SIGLEC7: variants seen among roughly 807,000 people sequenced by gnomAD.
The protein encoded by SIGLEC7 is sialic acid-binding Ig-like lectin 7.
Under a neutral mutation model 40.8 loss-of-function variants are expected in SIGLEC7, and 33 were observed. That is an observed-to-expected ratio of 0.81 (90% CI 0.61 to 1.08). The LOEUF (loss-of-function observed/expected upper bound fraction) is 1.08, where lower values mean the gene tolerates loss of function less well. SIGLEC7 is among the 50% of genes least tolerant of loss of function. The pLI is 0.00. For synonymous variants in SIGLEC7, 242 were observed against 237.6 expected (o/e 1.02, Z -0.17); for missense variants, 513 against 576.1 (o/e 0.89, Z 1.12).
Position 51,147,165 on chromosome 19 carries a change from T to G in SIGLEC7, c.1125-56T>G, listed in dbSNP as rs1054400896. The stretch of plus-strand genomic sequence containing the variant: ...AGGAAATACAGGGCAGGGGTTGGTC[T>G]GCCCACTGCACCCCGATCTGACCAC... On this transcript the variant is annotated intron_variant, in intron 5 of 6. Transcript: ENST00000317643. 11 of 1,607,586 alleles carry G rather than the reference T, an allele frequency of 6.8e-6. No homozygotes were observed. In the African/African-American group the frequency reaches 1.2e-4, roughly 18 times the overall value.
Position 51,153,082 on chromosome 19 carries a change from G to A in SIGLEC7, c.1241G>A (p.Trp414Ter). The change falls in exon 7 of 7, where the codon TGG becomes TAG. Residue 414 changes from tryptophan to a stop codon, truncating the protein, a stop_gained. Transcript: ENST00000317643. LOFTEE classifies it low-confidence loss of function (END_TRUNC). The part of the protein sequence containing the change: ...SASQGNLTES[W>*]ADDNPRHHGL... ...ATTCAGGGTAACCTGACTGAGTCCTGGGCAGATGATAACCCCCGACACCAT... is the reference window on the plus strand; with the variant it reads ...ATTCAGGGTAACCTGACTGAGTCCTAGGCAGATGATAACCCCCGACACCAT... The A allele has an allele frequency of 6.3e-7, 1 of 1,595,064 alleles. No homozygotes were observed. Among genetic ancestry groups the A allele is most frequent in the Non-Finnish European group, 8.5e-7 (1 of 1,170,646 alleles).
intron 5 of SIGLEC7, 164 bp from the exon 6 acceptor site, chr19:51,147,057 G>T: frequency 8.6e-7 from 1 of 1,159,076 alleles, no homozygotes; most frequent in South Asian, 1.4e-5. Flanking sequence ...CACCCAGGAG[G>T]CAGGAGCCTC....
At chr19:51,147,054 G>A (rs2092113201) in intron 5 of SIGLEC7, 167 bp from the exon 6 acceptor site, 2 of 1,146,666 alleles carry the variant, frequency 1.7e-6, no homozygotes, top group South Asian at 1.5e-5. Flanking sequence ...CACCACCCAG[G>A]AGGCAGGAGC....
rs1041099986 is a variant in SIGLEC7 at position 51,144,589 on chromosome 19, C to T, written c.617C>T (p.Pro206Leu). ...CGCTCCTCAGTGCTCACCCTCATCCCACAGCCCCAGCACCACGGCACCAGC... is the reference window on the plus strand; with the variant it reads ...CGCTCCTCAGTGCTCACCCTCATCCTACAGCCCCAGCACCACGGCACCAGC... ...TTRSSVLTLIPQPQHHGTSLT... is the reference protein window; with the variant it reads ...TTRSSVLTLILQPQHHGTSLT... Residue 206 changes from proline (P) to leucine (L), a missense_variant, in exon 2 of 7, where the codon CCA becomes CTA. Transcript: ENST00000317643. 10 of 1,613,976 alleles carry T rather than the reference C, an allele frequency of 6.2e-6. No individual in the cohort carries two copies. Among genetic ancestry groups the T allele is most frequent in the Non-Finnish European group, 8.5e-6 (10 of 1,179,968 alleles).
At position 51,153,145 on chromosome 19, in the gene SIGLEC7, T is replaced by G. The variant is rs759624815; in HGVS notation, c.1304T>G (p.Ile435Ser). 1.2e-6 allele frequency: 2 copies of G among 1,610,500 alleles called. No homozygotes were observed. Among genetic ancestry groups the G allele is most frequent in the Non-Finnish European group, 1.7e-6 (2 of 1,178,368 alleles). ...CACTCCTCAGGGGAGGAAAGAGAGA[T>G]CCAGTATGCACCCCTCAGCTTTCAT... ...AAHSSGEERE[I>S]QYAPLSFHKG... Residue 435 changes from isoleucine (I) to serine (S), a missense_variant, in exon 7 of 7, where the codon ATC becomes AGC. Ile to Ser is a moderately radical substitution (Grantham distance 142). Coordinates refer to ENST00000317643, the MANE Select transcript of SIGLEC7 (RefSeq NM_014385.4).
intron 4 of SIGLEC7, among the ~76,000 whole-genome samples, chr19:51,146,357 T>C (rs2092108478): frequency 6.6e-6 from 1 of 151,982 alleles, no homozygotes; most frequent in African/African-American, 2.4e-5. Flanking sequence ...ACAGGTGTGT[T>C]TGGGGAGACA....
chr19:51,147,265 T>C lies in SIGLEC7; in HGVS notation c.1169T>C (p.Val390Ala). 1 of 1,612,718 alleles carries C rather than the reference T, an allele frequency of 6.2e-7. No homozygotes were observed. The highest frequency in any genetic ancestry group is 1.1e-5 in the South Asian group (1 of 91,066). Residue 390 changes from valine to alanine, a missense_variant, in exon 6 of 7, where the codon GTG (valine) becomes GCG (alanine). Coordinates refer to ENST00000317643, the MANE Select transcript of SIGLEC7 (RefSeq NM_014385.4). ...RKKSARPAAD[V>A]GDIGMKDANT... is the part of the protein sequence containing the mutation. ...AAATCGGCAAGGCCAGCAGCGGACG[T>C]GGGAGACATAGGCATGAAGGATGCA...
rs1465210905 is a variant in SIGLEC7 at position 51,153,355 on chromosome 19, C to T, written c.*110C>T. The T allele has an allele frequency of 1.2e-6, 1 of 836,278 alleles. No individual in the cohort carries two copies. The highest frequency in any genetic ancestry group is 1.7e-5 in the African/African-American group (1 of 58,308). 51.8% of individuals were successfully genotyped at this position (836,278 alleles called of 1,614,324 possible). ...CCCTCAATGCTGTGCAACAAGACAT[C>T]AGAACTTATTCCTCTTGTCTAACTG... On this transcript the variant is annotated 3_prime_UTR_variant, in exon 7 of 7. Transcript: ENST00000317643.
chr19:51,151,325 G>T (rs192872396), intron 6 of SIGLEC7, among the ~76,000 whole-genome samples: 195 of 152,340 alleles, frequency 1.3e-3, no homozygotes, highest in Non-Finnish European at 2.1e-3. Context: ...TGAGAAGATT[G>T]CAGAAGAAAT....
intron 6 of SIGLEC7, among the ~76,000 whole-genome samples, chr19:51,152,224 T>G (rs1029675453): frequency 1.3e-5 from 2 of 152,176 alleles, no homozygotes; most frequent in African/African-American, 4.8e-5. Flanking sequence ...GCAAGTAGCC[T>G]GGCATCTTCC....
Position 51,153,434 on chromosome 19 carries a change from C to G in SIGLEC7, c.*189C>G. On this transcript the variant is annotated 3_prime_UTR_variant, in exon 7 of 7. Coordinates refer to ENST00000317643, the MANE Select transcript of SIGLEC7 (RefSeq NM_014385.4). The stretch of plus-strand genomic sequence containing the variant: ...CCTTTCCCCATCCAATCGGTCCACA[C>G]TCCCCGCCCTGGCCTCTGGTACCCA... The G allele has an allele frequency of 2.4e-6, 1 of 419,546 alleles. No homozygotes were observed. The highest frequency in any genetic ancestry group is 4.2e-6 in the Non-Finnish European group (1 of 237,896). The allele number at this position is 419,546 out of a possible 1,614,324, so 26.0% of individuals were successfully genotyped here.
chr19:51,148,489 C>T (rs1412929134), intron 6 of SIGLEC7, among the ~76,000 whole-genome samples: 1 of 152,164 alleles, frequency 6.6e-6, no homozygotes, highest in Non-Finnish European at 1.5e-5. Flanking sequence ...GCCTCCAGCT[C>T]CATCCATGTT....
chr19:51,144,285 G>A (rs1294235723), intron 1 of SIGLEC7, 121 bp from the exon 2 acceptor site: 1 of 1,494,910 alleles, frequency 6.7e-7, no homozygotes, highest in Non-Finnish European at 8.9e-7. Context: ...CCCTGCCCTG[G>A]GAGAGGGCTG....
chr19:51,152,678 G>A (rs1460409451), intron 6 of SIGLEC7, among the ~76,000 whole-genome samples: 1 of 152,170 alleles, frequency 6.6e-6, no homozygotes, highest in Non-Finnish European at 1.5e-5. Context: ...GTCCACCACA[G>A]TCCATCCAGC....
chr19:51,147,029 G>A, intron 5 of SIGLEC7, 179 bp downstream of exon 5: 3 of 1,029,356 alleles, frequency 2.9e-6, no homozygotes, highest in Non-Finnish European at 4.2e-6. Context: ...CACATCTGTG[G>A]TGAACCTTGG....
At chr19:51,151,539 TAAA>T (rs1420930785) in intron 6 of SIGLEC7, among the ~76,000 whole-genome samples, 2 of 151,948 alleles carry the variant, frequency 1.3e-5, no homozygotes, top group African/African-American at 2.4e-5. Context: ...AAGGCAAAGG[TAAA>T]GAAGAAAAGA....
chr19:51,147,319 TG>T lies in SIGLEC7; in HGVS notation c.1221+3del. 1 of 1,607,090 alleles carries T rather than the reference TG, an allele frequency of 6.2e-7. No individual in the cohort carries two copies. The highest frequency in any genetic ancestry group is 8.5e-7 in the Non-Finnish European group (1 of 1,175,670). The stretch of plus-strand genomic sequence containing the variant: ...ACCATCAGGGGCTCAGCCTCTCAGG[TG>T]AGTGATATGGGCGTCTCCACACCCA... On this transcript the variant is annotated splice_donor_region_variant and intron_variant, in intron 6 of 6. Transcript: ENST00000317643.
chr19:51,143,355 C>T (rs2092082944), intron 1 of SIGLEC7, among the ~76,000 whole-genome samples: 1 of 152,158 alleles, frequency 6.6e-6, no homozygotes, highest in African/African-American at 2.4e-5. Flanking sequence ...CACGGCCCCT[C>T]CATCTCTCAT....
intron 6 of SIGLEC7, among the ~76,000 whole-genome samples, chr19:51,150,789 G>A (rs1303430308): frequency 6.6e-6 from 1 of 152,216 alleles, no homozygotes; most frequent in East Asian, 1.9e-4. Context: ...CCAGGCACAG[G>A]AAGAGGAAAG....
Sources: allele counts gnomAD v4.1 joint callset (sites outside exome capture counted in the v4.1 genomes callset), GRCh38; gene constraint gnomAD v4.1.1; transcripts MANE v1.5; gene names NCBI Gene and HGNC (gene_info 2026-07-23, HGNC 2026-07-21).